Variants in PABPC1 observed in about 807,000 individuals in gnomAD.
The protein encoded by PABPC1 is polyadenylate-binding protein 1.
Under a neutral mutation model 74.0 loss-of-function variants are expected in PABPC1, and 4 were observed. The ratio of observed to expected loss-of-function variants is 0.05; its 90% CI spans 0.03 to 0.12. The LOEUF is 0.12. Among genes scored for constraint, PABPC1 ranks in the 10% least tolerant of loss-of-function variants. PABPC1 has a pLI of 1.00. For missense variants in PABPC1, 271 were observed against 821.1 expected (o/e 0.33, Z 8.19); for synonymous variants, 227 against 264.1 (o/e 0.86, Z 1.36).
chr8:100,721,443 G>A lies in PABPC1; in HGVS notation c.141C>T (p.Ile47=). The A allele has an allele frequency of 6.2e-7, 1 of 1,604,700 alleles. No individual in the cohort carries two copies. The highest frequency in any genetic ancestry group is 2.3e-5 in the East Asian group (1 of 43,760). The change falls in exon 1 of 15, where the codon ATC becomes ATT. Residue 47 remains isoleucine (I), a synonymous_variant. Coordinates refer to ENST00000318607, the MANE Select transcript of PABPC1 (RefSeq NM_002568.4). This position sits in a 1 kb window ranked among gnomAD's most constrained non-coding sequence, Gnocchi z 7.4. ...ACGCGTAGCCCAAGGAGCGGCGGGT[G>A]ATCATGTCCCTGCAGACCCGGATGG... ...ILSIRVCRDM[I]TRRSLGYAYV...
chr8:100,709,762 TA>T, intron 7 of PABPC1, 31 bp from the exon 8 acceptor site: 2 of 1,566,978 alleles, frequency 1.3e-6, no homozygotes, highest in Non-Finnish European at 1.7e-6. Flanking sequence ...AAAGTTAACG[TA>T]ATGGTAGAAT....
intron 9 of PABPC1, among the ~76,000 whole-genome samples, chr8:100,707,458 G>A (rs769329476): frequency 1.3e-5 from 2 of 152,178 alleles, no homozygotes; most frequent in Non-Finnish European, 2.9e-5. Context: ...CGTGGGTTAC[G>A]TGTCCACTGG....
At chr8:100,719,148 T>C (rs576033872) in intron 1 of PABPC1, among the ~76,000 whole-genome samples, 1 of 152,328 alleles carries the variant, frequency 6.6e-6, no homozygotes, top group East Asian at 1.9e-4. Context: ...CATTAAAGGC[T>C]CTAAATGAAA....
At chr8:100,717,525 T>C (rs1810702870) in intron 3 of PABPC1, among the ~76,000 whole-genome samples, 1 of 152,252 alleles carries the variant, frequency 6.6e-6, no homozygotes, top group African/African-American at 2.4e-5. Context: ...ATGTTAATTA[T>C]ATTAAACCTG....
intron 1 of PABPC1, among the ~76,000 whole-genome samples, chr8:100,720,768 C>T (rs1250600011): frequency 6.6e-6 from 1 of 152,178 alleles, no homozygotes; most frequent in Non-Finnish European, 1.5e-5. Flanking sequence ...ATTCCTAGAT[C>T]CATCAGTCAC....
intron 1 of PABPC1, among the ~76,000 whole-genome samples, chr8:100,720,224 C>A (rs899100741): frequency 2.6e-5 from 4 of 152,082 alleles, no homozygotes; most frequent in African/African-American, 9.7e-5. Context: ...GCCAATTGAT[C>A]TAAAGACAAA....
chr8:100,706,274 A>G (rs1810376581), intron 11 of PABPC1, among the ~76,000 whole-genome samples: 1 of 152,246 alleles, frequency 6.6e-6, no homozygotes, highest in Admixed American at 6.5e-5. Flanking sequence ...AATGTTCCAG[A>G]TAGGCTAAGC....
rs1451442077 is a variant in PABPC1 at position 100,706,588 on chromosome 8, T to G, written c.1602+63A>C. The G allele has an allele frequency of 3.4e-6, 5 of 1,466,988 alleles. No individual in the cohort carries two copies. In the African/African-American group the frequency reaches 6.9e-5, roughly 20 times the overall value. The allele number at this position is 1,466,988 out of a possible 1,614,324, so 90.9% of individuals were successfully genotyped here. On this transcript the variant is annotated intron_variant, in intron 11 of 14. Transcript: ENST00000318607. Reference sequence around the variant, plus strand: ...AGGTGTGAGCCACTGTGCCCAGCTGTCTTCACACCTTTGATTTCACCCAAG... The same window carrying G: ...AGGTGTGAGCCACTGTGCCCAGCTGGCTTCACACCTTTGATTTCACCCAAG...
At position 100,703,288 on chromosome 8, in the gene PABPC1, ATT is replaced by A. The variant is rs1295373556; in HGVS notation, c.*71_*72del. 2.4e-5 allele frequency: 4 copies of A among 164,618 alleles called. No individual in the cohort carries two copies. Among genetic ancestry groups the A allele is most frequent in the African/African-American group, 9.7e-5 (4 of 41,448 alleles). The allele number at this position is 164,618 out of a possible 1,614,324, so 10.2% of individuals were successfully genotyped here. ...TTTTGCAATGTTTTTTTTCCATAAT[ATT>A]TAAGTTTTTCGATGTTTAGATATTT... On this transcript the variant is annotated 3_prime_UTR_variant, in exon 15 of 15. Coordinates refer to ENST00000318607, the MANE Select transcript of PABPC1 (RefSeq NM_002568.4).
intron 1 of PABPC1, among the ~76,000 whole-genome samples, chr8:100,718,583 G>A (rs116768123): frequency 0.01 from 1,525 of 152,164 alleles, 23 homozygotes; most frequent in African/African-American, 0.035. Context: ...TAAATCTAAA[G>A]CACTTTTTTT....
intron 4 of PABPC1, among the ~76,000 whole-genome samples, chr8:100,713,417 CTT>C (rs1810581112): frequency 6.6e-6 from 1 of 152,202 alleles, no homozygotes; most frequent in African/African-American, 2.4e-5. Context: ...AGGAGGTACA[CTT>C]TAAACGGCTG....
rs1375528325 is a variant in PABPC1, at chr8:100,709,843, A to AAC, written c.973-113_973-112insGT. 64 of 1,180,774 alleles carry AAC rather than the reference A, an allele frequency of 5.4e-5. No individual in the cohort carries two copies. The African/African-American group carries it at 7.7e-4, about 14-fold the overall frequency. 73.1% of individuals were successfully genotyped at this position (1,180,774 alleles called of 1,614,324 possible). ...CTGAATCAAATAACTAAACCCTGTT[A>AAC]ATGCTTAATCATCTTGTATTTACCC... On this transcript the variant is annotated intron_variant, in intron 7 of 14. Coordinates refer to ENST00000318607, the MANE Select transcript of PABPC1 (RefSeq NM_002568.4).
At chr8:100,707,330 A>G (rs1290176621) in intron 9 of PABPC1, 1 of 280,808 alleles carries the variant, frequency 3.6e-6, no homozygotes, top group African/African-American at 2.3e-5. Context: ...GACCACTACC[A>G]CCAAGACGCG....
intron 9 of PABPC1, 94 bp downstream of exon 9, chr8:100,709,039 A>G (rs1354066118): frequency 1.1e-6 from 1 of 942,418 alleles, no homozygotes; most frequent in African/African-American, 1.6e-5. Context: ...GTGAAATGCA[A>G]TAGTTAACCT....
chr8:100,714,109 G>C (rs1052074279), intron 4 of PABPC1, among the ~76,000 whole-genome samples: 4 of 152,194 alleles, frequency 2.6e-5, no homozygotes, highest in African/African-American at 7.2e-5. Context: ...TTTAGAAGAT[G>C]TATGGGCCAA....
intron 4 of PABPC1, among the ~76,000 whole-genome samples, chr8:100,714,856 T>C (rs1245566806): frequency 6.6e-6 from 1 of 152,212 alleles, no homozygotes; most frequent in Non-Finnish European, 1.5e-5. Context: ...TTAAAAGTTA[T>C]TTTATCTGTT....
chr8:100,720,065 T>C (rs1161369865), intron 1 of PABPC1, among the ~76,000 whole-genome samples: 8 of 152,230 alleles, frequency 5.3e-5, no homozygotes, highest in African/African-American at 1.7e-4. Flanking sequence ...TGAATGTTAA[T>C]AGGAGCTTAA....
chr8:100,720,036 T>A (rs1002111297), intron 1 of PABPC1, among the ~76,000 whole-genome samples: 1 of 152,252 alleles, frequency 6.6e-6, no homozygotes, highest in African/African-American at 2.4e-5. Flanking sequence ...AGCTGATCAG[T>A]AACCTAAGTT....
rs34116624 is a variant in PABPC1 at position 100,704,054 on chromosome 8, CAAAAAA to C, written c.*1+237_*1+242del. 267 of 177,752 alleles carry C rather than the reference CAAAAAA, an allele frequency of 1.5e-3. 1 individual carries two copies. The highest frequency in any genetic ancestry group is 3.2e-3 in the African/African-American group (92 of 28,384). The allele number at this position is 177,752 out of a possible 1,614,324, so 11.0% of individuals were successfully genotyped here. ...TGGGCGACAGAACGAAACTCCATCT[CAAAAAA>C]AAAAAAAAAAAAAAACACCACCTGA... On this transcript the variant is annotated intron_variant, in intron 14 of 14. Transcript: ENST00000318607.
Sources: allele counts gnomAD v4.1 joint callset (sites outside exome capture counted in the v4.1 genomes callset), GRCh38; gene constraint gnomAD v4.1.1; non-coding constraint Gnocchi (gnomAD v3.1); transcripts MANE v1.5; gene names NCBI Gene and HGNC (gene_info 2026-07-23, HGNC 2026-07-21).